SKIL: variants seen among roughly 807,000 people sequenced by gnomAD.
The protein encoded by SKIL is SKI like proto-oncogene, also known as ski-like protein.
In SKIL, 20 loss-of-function variants were observed where a neutral mutation model predicts 69.6. The ratio of observed to expected loss-of-function variants is 0.29; its 90% confidence interval spans 0.20 to 0.42. The LOEUF (loss-of-function observed/expected upper bound fraction) is 0.42. Ranked by LOEUF, SKIL falls within the 10% of genes least tolerant of loss-of-function variation. The pLI is 1.00. For missense variants in SKIL, 745 were observed against 783.1 expected, an observed-to-expected ratio of 0.95 and a Z score of 0.58; for synonymous variants, 310 against 279.9, an observed-to-expected ratio of 1.11 and a Z score of -1.08.
intron 4 of SKIL, among the ~76,000 whole-genome samples, chr3:170,386,304 A>G (rs1195949788): frequency 6.7e-6 from 1 of 149,704 alleles, no homozygotes; most frequent in Non-Finnish European, 1.5e-5. Context: ...CTAATTTTGT[A>G]TTTTTAGTAG....
chr3:170,377,787 C>T (rs1443754416), intron 2 of SKIL, among the ~76,000 whole-genome samples: 1 of 150,728 alleles, frequency 6.6e-6, no homozygotes, highest in Non-Finnish European at 1.5e-5. Context: ...AACTCCTGAT[C>T]TCGTGATCCA....
chr3:170,388,856 T>TTATG (rs1319361467), intron 4 of SKIL, among the ~76,000 whole-genome samples: 64 of 141,132 alleles, frequency 4.5e-4, no homozygotes, highest in South Asian at 3.5e-3. Context: ...AAATATTTAT[T>TTATG]TATGTATTTA....
At chr3:170,375,976 G>A (rs1737011871) in intron 2 of SKIL, among the ~76,000 whole-genome samples, 2 of 151,040 alleles carry the variant, frequency 1.3e-5, no homozygotes, top group Admixed American at 6.6e-5. Context: ...TTAAAGAGGA[G>A]CTTTCTTTGT....
intron 4 of SKIL, among the ~76,000 whole-genome samples, chr3:170,387,504 T>TTGCATGTACCAGTTGCATGTACCA (rs371685966): frequency 1.7e-3 from 250 of 149,202 alleles, no homozygotes; most frequent in African/African-American, 5.8e-3. Flanking sequence ...ACAGTCCATG[T>TTGCATGTACCAGTTGCATGTACCA]TGTTGCATGT....
At chr3:170,388,024 G>A (rs928998465) in intron 4 of SKIL, among the ~76,000 whole-genome samples, 1 of 145,966 alleles carries the variant, frequency 6.9e-6, no homozygotes, top group Non-Finnish European at 1.5e-5. Flanking sequence ...GTTTTTTTTT[G>A]GTATGTATTT....
In SKIL at chr3:170,360,798, G is replaced by C. The variant is rs1014123209; in HGVS notation, c.467G>C (p.Cys156Ser). The change falls in exon 2 of 7, where the codon TGT (cysteine) becomes TCT (serine). Residue 156 changes from cysteine to serine, a missense_variant. Cys to Ser is a moderately radical substitution (Grantham distance 112, BLOSUM62 -1). Transcript: ENST00000259119. ...QTVLEGESIS[C>S]FQVGGEKRLC... ...GTGTTGGAAGGGGAATCTATTTCTT[G>C]TTTTCAAGTTGGAGGAGAAAAGAGA... is the stretch of plus-strand genomic sequence containing the variant. 8.1e-6 allele frequency: 13 copies of C among 1,614,000 alleles called. No individual in the cohort carries two copies. Among genetic ancestry groups the C allele is most frequent in the Non-Finnish European group, 1.0e-5 (12 of 1,180,008 alleles).
rs1353710112 is a variant in SKIL at position 170,394,390 on chromosome 3, T to G, written c.*1973T>G. ...CAGATATTTATGATATAGTTTTATT[T>G]TAATTTTGAATTATTTGTGTCACAG... On this transcript the variant is annotated 3_prime_UTR_variant, in exon 7 of 7. Coordinates refer to ENST00000259119, the MANE Select transcript of SKIL (RefSeq NM_005414.5). The G allele has an allele frequency of 1.3e-5, 2 of 152,186 alleles. No homozygotes were observed. The highest frequency in any genetic ancestry group is 2.9e-5 in the Non-Finnish European group (2 of 68,026). The allele number at this position is 152,186 out of a possible 1,614,324, so 9.4% of individuals were successfully genotyped here. A position where few individuals can be genotyped will look rare whatever the true frequency, so the allele number is the denominator to read the frequency against.
At chr3:170,382,432 T>G (rs1577436415) in intron 3 of SKIL, among the ~76,000 whole-genome samples, 1 of 151,232 alleles carries the variant, frequency 6.6e-6, no homozygotes, top group African/African-American at 2.4e-5. Flanking sequence ...TTTTTTTTTT[T>G]GAGACAAAGT....
rs1368113987 is a variant in SKIL at position 170,391,341 on chromosome 3, CAG to C, written c.1896+85_1896+86del. Reference sequence around the variant, plus strand: ...ACTTCTCTCTTTTTTTTTTTTGAGACAGAGACTGCTCTGTCGCCCAGGCTGGA... The same window carrying C: ...ACTTCTCTCTTTTTTTTTTTTGAGACAGACTGCTCTGTCGCCCAGGCTGGA... On this transcript the variant is annotated intron_variant, in intron 6 of 6. Transcript: ENST00000259119. The C allele has an allele frequency of 1.4e-5, 11 of 773,144 alleles. No individual in the cohort carries two copies. The African/African-American group carries it at 1.4e-4, about 10-fold the overall frequency. 47.9% of individuals were successfully genotyped at this position (773,144 alleles called of 1,614,324 possible).
chr3:170,367,801 ACTCTT>A (rs1339317394), intron 2 of SKIL, among the ~76,000 whole-genome samples: 4 of 152,030 alleles, frequency 2.6e-5, no homozygotes, highest in African/African-American at 9.7e-5. Flanking sequence ...AGACTGGACT[ACTCTT>A]AGGTAAGTAA....
chr3:170,385,645 CTG>C (rs1444347814), intron 4 of SKIL, among the ~76,000 whole-genome samples: 3 of 152,094 alleles, frequency 2.0e-5, no homozygotes, highest in Non-Finnish European at 4.4e-5. Context: ...CAGATATTGC[CTG>C]TGTTACCATC....
chr3:170,359,386 A>G (rs1736103199), intron 1 of SKIL, among the ~76,000 whole-genome samples: 1 of 152,194 alleles, frequency 6.6e-6, no homozygotes, highest in Admixed American at 6.5e-5. Flanking sequence ...ACCTGAGGTC[A>G]GGAGTTCAAG....
intron 2 of SKIL, among the ~76,000 whole-genome samples, chr3:170,377,252 T>C (rs996833868): frequency 6.6e-6 from 1 of 151,880 alleles, no homozygotes; most frequent in Non-Finnish European, 1.5e-5. Context: ...TCCTTTTTTT[T>C]TTTGAGATGG....
intron 2 of SKIL, among the ~76,000 whole-genome samples, chr3:170,366,651 C>T (rs186645874): frequency 6.6e-6 from 1 of 151,424 alleles, no homozygotes; most frequent in Non-Finnish European, 1.5e-5. Flanking sequence ...TCCTGGGTGA[C>T]AGAGTGAAAC....
chr3:170,388,343 TG>T lies in SKIL; in HGVS notation c.1430-1879del, dbSNP rs1263452496. On this transcript the variant is annotated intron_variant, in intron 4 of 6. Coordinates refer to ENST00000259119, the MANE Select transcript of SKIL (RefSeq NM_005414.5). ...TATTCAGGTCTTTTGGCTATTTTAA[TG>T]CTAGGTTGTTTTACTATTGAGTTGT... Among the ~76,000 whole-genome samples the T allele has an allele frequency of 4.6e-4, 29 of 62,776 alleles. No individual in the cohort carries two copies. In the Admixed American group the frequency reaches 5.5e-3, roughly 12 times the overall value. The allele number at this position is 62,776 out of a possible 152,430, so 41.2% of individuals were successfully genotyped here. A position where few individuals can be genotyped will look rare whatever the true frequency, so the allele number is the denominator to read the frequency against.
In SKIL at chr3:170,370,156, G is replaced by A. The variant is rs180691056; in HGVS notation, c.1098+8727G>A. On this transcript the variant is annotated intron_variant, in intron 2 of 6. Coordinates refer to ENST00000259119, the MANE Select transcript of SKIL (RefSeq NM_005414.5). ...CGGGAGGCTGAGGCAGGAGAATGGC[G>A]TAAACCCGGGAGGCGGAGCTTGCAG... 5.7e-3 allele frequency among the ~76,000 whole-genome samples: 861 copies of A among 152,062 alleles called. 27 individuals carry two copies. The East Asian group carries it at 0.093, about 16-fold the overall frequency.
chr3:170,392,472 G>C lies in SKIL; in HGVS notation c.*55G>C, dbSNP rs749785106. 2.3e-5 allele frequency: 27 copies of C among 1,163,762 alleles called. No homozygotes were observed. Among genetic ancestry groups the C allele is most frequent in the Non-Finnish European group, 2.9e-5 (24 of 837,772 alleles). The allele number at this position is 1,163,762 out of a possible 1,614,324, so 72.1% of individuals were successfully genotyped here. On this transcript the variant is annotated 3_prime_UTR_variant, in exon 7 of 7. Transcript: ENST00000259119. ...ACTGACAAGGTTTTTTTTGTTTGTTGCTTGCTTTGGTAATTGAATTCTGAA... is the reference window on the plus strand; with the variant it reads ...ACTGACAAGGTTTTTTTTGTTTGTTCCTTGCTTTGGTAATTGAATTCTGAA...
chr3:170,360,357 C>T lies in SKIL; in HGVS notation c.26C>T (p.Ser9Phe), dbSNP rs1398707592. Residue 9 changes from serine to phenylalanine, a missense_variant, in exon 2 of 7, where the codon TCC (serine) becomes TTC (phenylalanine). Coordinates refer to ENST00000259119, the MANE Select transcript of SKIL (RefSeq NM_005414.5). ...ATGGAAAACCTCCAGACAAATTTCT[C>T]CTTGGTTCAGGGCTCAACTAAAAAA... is the stretch of plus-strand genomic sequence containing the variant. Reference protein sequence around the residue: MENLQTNFSLVQGSTKKLN... With the variant: MENLQTNFFLVQGSTKKLN... The T allele has an allele frequency of 6.4e-7, 1 of 1,566,762 alleles. No individual in the cohort carries two copies. The highest frequency in any genetic ancestry group is 8.6e-7 in the Non-Finnish European group (1 of 1,160,192).
At chr3:170,378,946 G>A (rs528107916) in intron 2 of SKIL, among the ~76,000 whole-genome samples, 2 of 151,164 alleles carry the variant, frequency 1.3e-5, no homozygotes, top group East Asian at 1.9e-4. Context: ...GTGCAATCTC[G>A]GCTTACTGCA....
Sources: allele counts gnomAD v4.1 joint callset (sites outside exome capture counted in the v4.1 genomes callset), GRCh38; gene constraint gnomAD v4.1.1; transcripts MANE v1.5; gene names NCBI Gene and HGNC (gene_info 2026-07-23, HGNC 2026-07-21).